The following TMEM50B variants were observed in gnomAD, a reference collection of about 807,000 sequenced individuals.
TMEM50B encodes HCV p7-trans-regulated protein 3.
In TMEM50B, 14 loss-of-function variants were observed where a neutral mutation model predicts 23.4. The ratio of observed to expected loss-of-function variants is 0.60; its 90% CI spans 0.39 to 0.93. The LOEUF (loss-of-function observed/expected upper bound fraction) is 0.93. Among genes scored for constraint, TMEM50B ranks in the 40% least tolerant of loss-of-function variants. The pLI, the probability that TMEM50B is intolerant of heterozygous loss-of-function variation, is 0.00. For synonymous variants in TMEM50B, 64 were observed against 62.3 expected, an observed-to-expected ratio of 1.03 and a Z score of -0.13; for missense variants, 159 against 193.0, an observed-to-expected ratio of 0.82 and a Z score of 1.04.
At position 33,434,669 on chromosome 21, in the gene TMEM50B, A is replaced by G. The variant is rs1368737438; in HGVS notation, c.*2121-1867T>C. ...AGATAAGGTCCAAGTCTGCAGAAAC[A>G]TAGCAGCACTTTCAGAAAGAACCCT... is the stretch of plus-strand genomic sequence containing the variant. On this transcript the variant is annotated intron_variant and NMD_transcript_variant, in intron 8 of 8. Transcript: ENST00000420455. Among the ~76,000 whole-genome samples the G allele has an allele frequency of 2.0e-5, 3 of 152,204 alleles. No individual in the cohort carries two copies. In the East Asian group the frequency reaches 5.8e-4, roughly 29 times the overall value.
rs2084102150 is a variant in TMEM50B at position 33,449,939 on chromosome 21, T to A, written c.*879A>T. On this transcript the variant is annotated 3_prime_UTR_variant, in exon 7 of 7. Transcript: ENST00000542230. Reference sequence around the variant, plus strand: ...ACTGAGTTTATTTGATCATGTATTATCCCTTCTCACATAAAGTCATATTAG... The same window carrying A: ...ACTGAGTTTATTTGATCATGTATTAACCCTTCTCACATAAAGTCATATTAG... 1.3e-5 allele frequency: 2 copies of A among 152,620 alleles called. No individual in the cohort carries two copies. Among genetic ancestry groups the A allele is most frequent in the African/African-American group, 4.8e-5 (2 of 41,444 alleles). The allele number at this position is 152,620 out of a possible 1,614,324, so 9.5% of individuals were successfully genotyped here.
intron 5 of TMEM50B, among the ~76,000 whole-genome samples, chr21:33,459,424 G>A (rs2084197815): frequency 6.6e-6 from 1 of 152,138 alleles, no homozygotes; most frequent in Admixed American, 6.5e-5. Context: ...CCAGCACTTT[G>A]GGAGACCAAG....
intron 5 of TMEM50B, among the ~76,000 whole-genome samples, chr21:33,458,009 T>C (rs961398903): frequency 2.0e-5 from 3 of 152,172 alleles, no homozygotes; most frequent in African/African-American, 4.8e-5. Flanking sequence ...GACAAACATA[T>C]AGCTACAGAC....
chr21:33,466,865 C>CGTA, intron 3 of TMEM50B, 145 bp downstream of exon 3: 1 of 578,224 alleles, frequency 1.7e-6, no homozygotes, highest in South Asian at 2.7e-5. Context: ...TAAAAAAAAT[C>CGTA]GTAATAAAAT....
intron 6 of TMEM50B, among the ~76,000 whole-genome samples, chr21:33,454,174 G>C (rs1014312341): frequency 1.3e-5 from 2 of 150,078 alleles, no homozygotes; most frequent in African/African-American, 4.9e-5. Context: ...TATTTTAGAA[G>C]ACTGCCCCTA....
intron 7 of TMEM50B, among the ~76,000 whole-genome samples, chr21:33,443,807 C>T (rs2084028885): frequency 6.6e-6 from 1 of 152,068 alleles, no homozygotes; most frequent in African/African-American, 2.4e-5. Context: ...AGCATGCTGC[C>T]AAACATTTAA....
intron 8 of TMEM50B, among the ~76,000 whole-genome samples, chr21:33,436,616 G>T (rs1247889201): frequency 1.3e-5 from 2 of 151,874 alleles, no homozygotes; most frequent in Non-Finnish European, 2.9e-5. Context: ...CAGCTACTTG[G>T]AGGATTGAGG....
rs1482949062 is a variant in TMEM50B at position 33,449,704 on chromosome 21, A to G, written c.*1114T>C. The G allele has an allele frequency of 6.6e-6, 1 of 152,428 alleles. No homozygotes were observed. Among genetic ancestry groups the G allele is most frequent in the African/African-American group, 2.4e-5 (1 of 41,462 alleles). 9.4% of individuals were successfully genotyped at this position (152,428 alleles called of 1,614,324 possible). A position where few individuals can be genotyped will look rare whatever the true frequency, so the allele number is the denominator to read the frequency against. Reference sequence around the variant, plus strand: ...CACTAGGTGATAATTCCCTTTGGGAAGAAGTGCTTTATCTTTAATTATTCC... The same window carrying G: ...CACTAGGTGATAATTCCCTTTGGGAGGAAGTGCTTTATCTTTAATTATTCC... On this transcript the variant is annotated 3_prime_UTR_variant, in exon 7 of 7. Coordinates refer to ENST00000542230, the MANE Select transcript of TMEM50B (RefSeq NM_006134.7).
chr21:33,447,611 A>C (rs763714966), downstream of TMEM50B, among the ~76,000 whole-genome samples: 9 of 151,524 alleles, frequency 5.9e-5, no homozygotes, highest in Non-Finnish European at 1.2e-4. Flanking sequence ...TGATATCATC[A>C]ATCTTTCAGT....
downstream of TMEM50B, among the ~76,000 whole-genome samples, chr21:33,448,533 T>C (rs1158176919): frequency 3.3e-5 from 5 of 151,782 alleles, no homozygotes; most frequent in East Asian, 9.8e-4. Flanking sequence ...CAGACTGGAG[T>C]GCAGTGGCAC....
At chr21:33,468,407 T>G (rs1947311281) in intron 2 of TMEM50B, 1 of 167,426 alleles carries the variant, frequency 6.0e-6, no homozygotes, top group Non-Finnish European at 1.3e-5. Context: ...TACTATTATC[T>G]GCAGAGTACT....
intron 5 of TMEM50B, among the ~76,000 whole-genome samples, chr21:33,459,071 A>T (rs1568979798): frequency 6.6e-6 from 1 of 152,252 alleles, no homozygotes; most frequent in Non-Finnish European, 1.5e-5. Context: ...TGACAAAGAG[A>T]TTCCAGAGGT....
At chr21:33,441,047 A>T (rs2084004197) in intron 7 of TMEM50B, among the ~76,000 whole-genome samples, 1 of 151,468 alleles carries the variant, frequency 6.6e-6, no homozygotes, top group Non-Finnish European at 1.5e-5. Flanking sequence ...CTGGCCAACA[A>T]GGTGACACCC....
chr21:33,438,076 G>C (rs1174407443), intron 8 of TMEM50B, among the ~76,000 whole-genome samples: 1 of 151,804 alleles, frequency 6.6e-6, no homozygotes, highest in Non-Finnish European at 1.5e-5. Flanking sequence ...CTTGAGGCCA[G>C]GAGTTTGAGA....
intron 7 of TMEM50B, among the ~76,000 whole-genome samples, chr21:33,442,831 G>A (rs2123397715): frequency 6.6e-6 from 1 of 152,142 alleles, no homozygotes; most frequent in South Asian, 2.1e-4. Context: ...TAAGGCATGA[G>A]AATCGCTTGA....
intron 1 of TMEM50B, among the ~76,000 whole-genome samples, chr21:33,478,437 T>C (rs2211688): frequency 0.58 from 88,691 of 151,958 alleles, 27,994 homozygotes; most frequent in East Asian, 0.83. Flanking sequence ...ACTGTACTTG[T>C]AGCCTGGTCA....
chr21:33,438,203 G>A (rs1158456887), intron 8 of TMEM50B, among the ~76,000 whole-genome samples: 4 of 152,170 alleles, frequency 2.6e-5, no homozygotes, highest in Non-Finnish European at 5.9e-5. Flanking sequence ...AGGATCATTT[G>A]AGCCTAGGAG....
intron 8 of TMEM50B, among the ~76,000 whole-genome samples, chr21:33,433,546 G>C (rs2083911475): frequency 6.6e-6 from 1 of 152,120 alleles, no homozygotes; most frequent in South Asian, 2.1e-4. Context: ...ACTTAAATGA[G>C]GTCCCCAGAG....
intron 8 of TMEM50B, chr21:33,436,748 A>G: frequency 2.6e-6 from 3 of 1,160,986 alleles, no homozygotes; most frequent in Non-Finnish European, 3.7e-6. Context: ...AAAATAAAAT[A>G]AAAACAAAAA....
Sources: allele counts gnomAD v4.1 joint callset (sites outside exome capture counted in the v4.1 genomes callset), GRCh38; gene constraint gnomAD v4.1.1; transcripts MANE v1.5; gene names NCBI Gene and HGNC (gene_info 2026-07-23, HGNC 2026-07-21).